The following SEC14L1 variants were observed in gnomAD, a reference collection of about 807,000 sequenced individuals.
The protein encoded by SEC14L1 is SEC14 like lipid binding 1, also known as SEC14-like protein 1.
In SEC14L1, 48 loss-of-function variants were observed where a neutral mutation model predicts 85.3. The ratio of observed to expected loss-of-function variants is 0.56; its 90% CI spans 0.45 to 0.72. The LOEUF is 0.72. Ranked by LOEUF, SEC14L1 falls within the 30% of genes least tolerant of loss-of-function variation. The pLI is 0.00. For missense variants in SEC14L1, 682 were observed against 921.4 expected, an observed-to-expected ratio of 0.74 and a Z score of 3.36; for synonymous variants, 391 against 355.5, an observed-to-expected ratio of 1.10 and a Z score of -1.12.
chr17:77,111,191 GAAAAA>G (rs57425211), intron 3 of SEC14L1, among the ~76,000 whole-genome samples: 1 of 101,116 alleles, frequency 9.9e-6, no homozygotes, highest in Non-Finnish European at 2.0e-5. Flanking sequence ...GTCTCAAAAA[GAAAAA>G]AAAAAAAAAA....
chr17:77,157,853 C>T (rs564636287), intron 3 of SEC14L1, among the ~76,000 whole-genome samples: 40 of 151,028 alleles, frequency 2.6e-4, no homozygotes, highest in Non-Finnish European at 4.4e-4. Context: ...GTTTTTCAAA[C>T]GAATGGTTTT....
rs1477299997 is a variant in SEC14L1 at position 77,211,983 on chromosome 17, A to G, written c.1645A>G (p.Ile549Val). The stretch of plus-strand genomic sequence containing the variant: ...TCAGATTGTGGATGCCTCGTCAGTC[A>G]TCACTTGGGATTTCGACGTGTGCAA... ...LIQIVDASSVITWDFDVCKGD... is the reference protein window; with the variant it reads ...LIQIVDASSVVTWDFDVCKGD... Residue 549 changes from isoleucine to valine, a missense_variant, in exon 15 of 17, where the codon ATC (isoleucine) becomes GTC (valine). Ile to Val is a conservative substitution (Grantham distance 29). This residue lies in a region of SEC14L1 where 420 missense variants were observed against 619.5 expected (regional missense o/e 0.68). Coordinates refer to ENST00000436233, the MANE Select transcript of SEC14L1 (RefSeq NM_001143998.2). The G allele has an allele frequency of 1.2e-6, 2 of 1,614,146 alleles. No homozygotes were observed. Among genetic ancestry groups the G allele is most frequent in the Admixed American group, 3.3e-5 (2 of 60,022 alleles).
intron 3 of SEC14L1, among the ~76,000 whole-genome samples, chr17:77,115,693 G>A (rs2143382068): frequency 1.3e-5 from 2 of 152,244 alleles, no homozygotes; most frequent in South Asian, 4.1e-4. Context: ...AACCAAAGGA[G>A]CATGTTCTCT....
Position 77,198,087 on chromosome 17 carries a change from A to G in SEC14L1, c.819+1776A>G, listed in dbSNP as rs370057940. On this transcript the variant is annotated intron_variant, in intron 8 of 16. Transcript: ENST00000436233. ...AAATATTCCTTATTTGATATTACAC[A>G]TAAACTACACTAAAATGCCTTTTAA... 5.2e-5 allele frequency among the ~76,000 whole-genome samples: 8 copies of G among 152,392 alleles called. No individual in the cohort carries two copies. The East Asian group carries it at 1.2e-3, about 22-fold the overall frequency.
intron 3 of SEC14L1, among the ~76,000 whole-genome samples, chr17:77,106,836 C>CA (rs1271033627): frequency 1.3e-5 from 2 of 150,928 alleles, no homozygotes; most frequent in South Asian, 4.2e-4. Context: ...GACCCTTTCT[C>CA]AAAAAAAATA....
chr17:77,214,948 A>G lies in SEC14L1; in HGVS notation c.*925A>G. 1.0e-6 allele frequency: 1 copy of G among 985,380 alleles called. No homozygotes were observed. Among genetic ancestry groups the G allele is most frequent in the Non-Finnish European group, 1.2e-6 (1 of 829,960 alleles). 61.0% of individuals were successfully genotyped at this position (985,380 alleles called of 1,614,324 possible). On this transcript the variant is annotated 3_prime_UTR_variant, in exon 17 of 17. Transcript: ENST00000436233. ...ACCAGCAAGTCGCATTTGCCACTTG[A>G]CACTGTCCATGGGGTTTTATTAGTA...
intron 13 of SEC14L1, 47 bp from the exon 14 acceptor site, chr17:77,209,295 G>T (rs778814192): frequency 6.2e-7 from 1 of 1,606,912 alleles, no homozygotes; most frequent in Non-Finnish European, 8.5e-7. Context: ...GTTTCGTGGG[G>T]TTGGTTTGTG....
chr17:77,157,398 A>G (rs958591164), intron 3 of SEC14L1, among the ~76,000 whole-genome samples: 11 of 152,328 alleles, frequency 7.2e-5, no homozygotes, highest in South Asian at 4.1e-4. Flanking sequence ...TGAGTCCCGC[A>G]GTCTGTGGCT....
chr17:77,131,196 G>C (rs990182919), intron 3 of SEC14L1, among the ~76,000 whole-genome samples: 4 of 152,196 alleles, frequency 2.6e-5, no homozygotes, highest in African/African-American at 4.8e-5. Flanking sequence ...AACCGAATAG[G>C]CTGTGTTTCA....
intron 3 of SEC14L1, among the ~76,000 whole-genome samples, chr17:77,126,612 G>A (rs1336418615): frequency 6.6e-6 from 1 of 152,222 alleles, no homozygotes; most frequent in Admixed American, 6.5e-5. Context: ...AGCCCTCTGT[G>A]TGCCCGAGTG....
At chr17:77,103,934 G>A (rs543721510) in intron 3 of SEC14L1, among the ~76,000 whole-genome samples, 2 of 151,128 alleles carry the variant, frequency 1.3e-5, no homozygotes, top group African/African-American at 2.4e-5. Flanking sequence ...CTGTGCACTC[G>A]CTGACCCTGC....
intron 9 of SEC14L1, among the ~76,000 whole-genome samples, chr17:77,202,873 CG>C (rs1976230118): frequency 6.6e-6 from 1 of 150,874 alleles, no homozygotes; most frequent in Non-Finnish European, 1.5e-5. Flanking sequence ...GAGCTGAGAT[CG>C]TGCCACTGCA....
chr17:77,196,957 TC>T (rs1296116794), intron 8 of SEC14L1, among the ~76,000 whole-genome samples: 1 of 152,204 alleles, frequency 6.6e-6, no homozygotes, highest in Non-Finnish European at 1.5e-5. Context: ...ATTCCATCCT[TC>T]CGGCAGCTCT....
rs2143108423 is a variant in SEC14L1, at chr17:77,200,556, A to G, written c.892A>G (p.Met298Val). ...DFNIDKAREI[M>V]CQSLTWRKQH... ...TAATATTGACAAAGCCAGAGAGATC[A>G]TGTGTCAGTCTTTGACGTGGAGAAA... is the stretch of plus-strand genomic sequence containing the variant. The change falls in exon 9 of 17, where the codon ATG becomes GTG. Residue 298 changes from methionine (M) to valine (V), a missense_variant. Physicochemically the swap from Met to Val is conservative, Grantham distance 21 (BLOSUM62 1). Transcript: ENST00000436233. 6.2e-6 allele frequency: 10 copies of G among 1,614,084 alleles called. No individual in the cohort carries two copies. Among genetic ancestry groups the G allele is most frequent in the Non-Finnish European group, 6.8e-6 (8 of 1,179,954 alleles).
intron 13 of SEC14L1, among the ~76,000 whole-genome samples, chr17:77,208,071 C>G: frequency 6.6e-6 from 1 of 152,098 alleles, no homozygotes; most frequent in South Asian, 2.1e-4. Flanking sequence ...AAAAGTTACC[C>G]GTTTGGAATG....
At chr17:77,095,455 G>A (rs1477115575) in intron 3 of SEC14L1, among the ~76,000 whole-genome samples, 1 of 152,188 alleles carries the variant, frequency 6.6e-6, no homozygotes, top group Non-Finnish European at 1.5e-5. Flanking sequence ...TGAAGTGTCT[G>A]CAGACACACT....
At chr17:77,167,696 C>A (rs1296397610) in intron 3 of SEC14L1, among the ~76,000 whole-genome samples, 1 of 152,046 alleles carries the variant, frequency 6.6e-6, no homozygotes, top group East Asian at 1.9e-4. Flanking sequence ...TGTCTCATGA[C>A]CAGGAGGAAG....
chr17:77,195,027 G>C lies in SEC14L1; in HGVS notation c.709+116G>C, dbSNP rs571026396. The C allele has an allele frequency of 2.8e-4, 196 of 705,428 alleles. No homozygotes were observed. The African/African-American group carries it at 3.2e-3, about 12-fold the overall frequency. The allele number at this position is 705,428 out of a possible 1,614,324, so 43.7% of individuals were successfully genotyped here. ...CTTGGAACATTAGATAACTCAGAAA[G>C]GAAAGACCCGTCTCTCGTTTCTGGC... is the stretch of plus-strand genomic sequence containing the variant. On this transcript the variant is annotated intron_variant, in intron 7 of 16. Coordinates refer to ENST00000436233, the MANE Select transcript of SEC14L1 (RefSeq NM_001143998.2).
At position 77,194,824 on chromosome 17, in the gene SEC14L1, A is replaced by G. The variant is rs1451602713; in HGVS notation, c.622A>G (p.Ile208Val). 6.2e-7 allele frequency: 1 copy of G among 1,614,206 alleles called. No homozygotes were observed. Among genetic ancestry groups the G allele is most frequent in the South Asian group, 1.1e-5 (1 of 91,086 alleles). The change falls in exon 7 of 17, where the codon ATC (isoleucine) becomes GTC (valine). Residue 208 changes from isoleucine to valine, a missense_variant. Ile to Val is a conservative substitution (Grantham distance 29, BLOSUM62 3). Coordinates refer to ENST00000436233, the MANE Select transcript of SEC14L1 (RefSeq NM_001143998.2). ...ACAAGCAGCGTCCATGGCCGTCGTC[A>G]TCCCAGAAGCTGCCCTCAAGGAGGG... is the stretch of plus-strand genomic sequence containing the variant. ...KKQAASMAVV[I>V]PEAALKEGLS...
Sources: allele counts gnomAD v4.1 joint callset (sites outside exome capture counted in the v4.1 genomes callset), GRCh38; gene constraint gnomAD v4.1.1; regional missense constraint gnomAD v4.1.1; transcripts MANE v1.5; gene names NCBI Gene and HGNC (gene_info 2026-07-23, HGNC 2026-07-21).